GABRB1: variants seen among roughly 807,000 people sequenced by gnomAD.
The protein encoded by GABRB1 is gamma-aminobutyric acid type A receptor subunit beta1.
GABRB1 carries 17 observed loss-of-function variants against 51.6 expected under a neutral mutation model. That is an observed-to-expected ratio of 0.33 (90% confidence interval 0.23 to 0.49). The LOEUF is 0.49. GABRB1 is among the 20% of genes least tolerant of loss of function. The probability of loss-of-function intolerance (pLI) is 0.99; values close to 1 mark genes in which losing one functional copy is unlikely to be tolerated. For synonymous variants in GABRB1, 247 were observed against 218.9 expected (o/e 1.13, Z -1.14); for missense variants, 410 against 600.6 (o/e 0.68, Z 3.32).
chr4:47,423,128 A>G (rs1365717409), intron 8 of GABRB1, among the ~76,000 whole-genome samples: 1 of 152,182 alleles, frequency 6.6e-6, no homozygotes, highest in Non-Finnish European at 1.5e-5. Context: ...TGAATGGAAA[A>G]AAAAAAAGAG....
intron 4 of GABRB1, among the ~76,000 whole-genome samples, chr4:47,163,620 G>A (rs1718054728): frequency 1.3e-5 from 2 of 152,020 alleles, no homozygotes; most frequent in African/African-American, 4.8e-5. Context: ...GGGTTTAACA[G>A]AAGCCCAAAC....
intron 4 of GABRB1, among the ~76,000 whole-genome samples, chr4:47,257,190 C>G (rs1009141502): frequency 6.6e-6 from 1 of 152,154 alleles, no homozygotes; most frequent in Non-Finnish European, 1.5e-5. Flanking sequence ...GTTTATGTCA[C>G]TCAACAAAGT....
intron 4 of GABRB1, among the ~76,000 whole-genome samples, chr4:47,299,354 A>G (rs1724149597): frequency 6.6e-6 from 1 of 152,208 alleles, no homozygotes; most frequent in South Asian, 2.1e-4. Context: ...ACAAAGGGCT[A>G]ATCTCCAGAA....
At chr4:47,126,372 G>GT (rs1286222546) in intron 3 of GABRB1, among the ~76,000 whole-genome samples, 1 of 152,062 alleles carries the variant, frequency 6.6e-6, no homozygotes, top group Non-Finnish European at 1.5e-5. Flanking sequence ...TAATAATACA[G>GT]TATTGTTTAA....
At position 47,333,167 on chromosome 4, in the gene GABRB1, T is replaced by C. The variant is rs961791934; in HGVS notation, c.544+12958T>C. Among the ~76,000 whole-genome samples the C allele has an allele frequency of 2.7e-5, 4 of 145,640 alleles. 1 individual carries two copies. The highest frequency in any genetic ancestry group is 6.0e-5 in the Non-Finnish European group (4 of 66,518). ...TTATATTTATATATTTAAAAATATA[T>C]ACATATATATTTAAAACCCATTTTA... is the stretch of plus-strand genomic sequence containing the variant. On this transcript the variant is annotated intron_variant, in intron 5 of 8. Transcript: ENST00000295454.
In GABRB1 at chr4:47,161,451, C is replaced by T. The variant is rs1172956024; in HGVS notation, c.443C>T (p.Thr148Ile). The T allele has an allele frequency of 3.7e-6, 6 of 1,611,808 alleles. No homozygotes were observed. Among genetic ancestry groups the T allele is most frequent in the Non-Finnish European group, 5.1e-6 (6 of 1,178,458 alleles). ...ATGATTCGACTGCATCCTGATGGAA[C>T]AGTTCTCTATGGACTCCGGTAAATG... ...NRMIRLHPDG[T>I]VLYGLRITTT... The change falls in exon 4 of 9, where the codon ACA (threonine) becomes ATA (isoleucine). Residue 148 changes from threonine (T) to isoleucine (I), a missense_variant. By Grantham distance (89) the Thr-to-Ile change is moderately conservative. This residue lies in a region of GABRB1 where 100 missense variants were observed against 184.3 expected (regional missense o/e 0.54). Coordinates refer to ENST00000295454, the MANE Select transcript of GABRB1 (RefSeq NM_000812.4).
At chr4:47,096,948 C>T (rs1714469667) in intron 3 of GABRB1, among the ~76,000 whole-genome samples, 1 of 152,102 alleles carries the variant, frequency 6.6e-6, no homozygotes, top group Non-Finnish European at 1.5e-5. Context: ...TGTAAGGTAG[C>T]CAAATTGTAT....
At chr4:47,330,620 T>A (rs1287927465) in intron 5 of GABRB1, among the ~76,000 whole-genome samples, 1 of 152,116 alleles carries the variant, frequency 6.6e-6, no homozygotes, top group Non-Finnish European at 1.5e-5. Flanking sequence ...AATGGCCACA[T>A]ACCAGAAATA....
intron 8 of GABRB1, among the ~76,000 whole-genome samples, chr4:47,409,064 T>C (rs1728673100): frequency 6.6e-6 from 1 of 152,128 alleles, no homozygotes; most frequent in Non-Finnish European, 1.5e-5. Flanking sequence ...TGGGCTGCCA[T>C]GCACTCAAAC....
intron 3 of GABRB1, among the ~76,000 whole-genome samples, chr4:47,055,466 G>A (rs1353230981): frequency 3.3e-5 from 5 of 152,122 alleles, no homozygotes; most frequent in Non-Finnish European, 7.4e-5. Flanking sequence ...TGGTAACCGA[G>A]CGGACACCAT....
chr4:47,353,889 T>G (rs1726455246), intron 5 of GABRB1, among the ~76,000 whole-genome samples: 1 of 152,022 alleles, frequency 6.6e-6, no homozygotes, highest in Admixed American at 6.6e-5. Flanking sequence ...GGTTTATGCA[T>G]TATACTATTT....
rs1560523772 is a variant in GABRB1, at chr4:47,077,994, A to AT, written c.240+45511dup. Reference sequence around the variant, plus strand: ...TTTTATATATAATATATAATATATAATATATATATATTGGGAAGGAGTTTT... The same window carrying AT: ...TTTTATATATAATATATAATATATAATTATATATATATTGGGAAGGAGTTTT... On this transcript the variant is annotated intron_variant, in intron 3 of 8. Coordinates refer to ENST00000295454, the MANE Select transcript of GABRB1 (RefSeq NM_000812.4). Among the ~76,000 whole-genome samples, 215 of 100,704 alleles carry AT rather than the reference A, an allele frequency of 2.1e-3. 2 individuals carry two copies. Among genetic ancestry groups the AT allele is most frequent in the African/African-American group, 7.8e-3 (198 of 25,236 alleles). 66.1% of individuals were successfully genotyped at this position (100,704 alleles called of 152,430 possible).
At chr4:47,072,497 A>G (rs889244704) in intron 3 of GABRB1, among the ~76,000 whole-genome samples, 1 of 152,216 alleles carries the variant, frequency 6.6e-6, no homozygotes, top group Non-Finnish European at 1.5e-5. Flanking sequence ...GGTTCCCAGC[A>G]GAGTCTGTAT....
At chr4:47,391,623 G>A (rs972094815) in intron 5 of GABRB1, among the ~76,000 whole-genome samples, 6 of 152,148 alleles carry the variant, frequency 3.9e-5, no homozygotes, top group Admixed American at 2.0e-4. Context: ...TTAATACACA[G>A]ATTTTTGCAT....
intron 4 of GABRB1, among the ~76,000 whole-genome samples, chr4:47,318,732 G>A (rs1429830923): frequency 6.6e-6 from 1 of 152,078 alleles, no homozygotes; most frequent in Non-Finnish European, 1.5e-5. Context: ...TCTGGTCAGT[G>A]AAGTGTGAGA....
chr4:47,350,040 A>G (rs1726249800), intron 5 of GABRB1, among the ~76,000 whole-genome samples: 2 of 152,112 alleles, frequency 1.3e-5, no homozygotes, highest in African/African-American at 4.8e-5. Context: ...ATACTTTCAC[A>G]ATATAAAAAA....
At chr4:47,041,385 G>A (rs1435501602) in intron 3 of GABRB1, among the ~76,000 whole-genome samples, 1 of 152,084 alleles carries the variant, frequency 6.6e-6, no homozygotes, top group Non-Finnish European at 1.5e-5. Flanking sequence ...GAGAAAGACA[G>A]AGAAACAGCT....
chr4:47,182,594 A>G (rs146439172), intron 4 of GABRB1, among the ~76,000 whole-genome samples: 1 of 152,108 alleles, frequency 6.6e-6, no homozygotes, highest in Admixed American at 6.6e-5. Context: ...TCCTTCTCTC[A>G]GAGTTTTTCT....
chr4:46,993,856 T>G (rs1315186833), exon 1 of GABRB1: 1 of 185,786 alleles, frequency 5.4e-6, no homozygotes, highest in Non-Finnish European at 1.1e-5. Context: ...GCAGTGTTCG[T>G]CCTCCTACCT....
Sources: allele counts gnomAD v4.1 joint callset (sites outside exome capture counted in the v4.1 genomes callset), GRCh38; gene constraint gnomAD v4.1.1; regional missense constraint gnomAD v4.1.1; transcripts MANE v1.5; gene names NCBI Gene and HGNC (gene_info 2026-07-23, HGNC 2026-07-21).